The following RUSC1 variants were observed in gnomAD, a reference collection of about 807,000 sequenced individuals.
The protein encoded by RUSC1 is RUN and SH3 domain containing 1.
A neutral mutation model predicts 72.1 loss-of-function variants in RUSC1; 40 were observed. The observed-to-expected ratio is 0.55, with a 90% CI of 0.43 to 0.72. The LOEUF is 0.72. Ranked by LOEUF, RUSC1 falls within the 30% of genes least tolerant of loss-of-function variation. RUSC1 has a pLI of 0.00. For synonymous variants in RUSC1, 512 were observed against 494.2 expected (o/e 1.04, Z -0.48); for missense variants, 1,092 against 1,172.3 (o/e 0.93, Z 1.00).
chr1:155,324,687 C>A, intron 2 of RUSC1, 158 bp from the exon 3 acceptor site: 1 of 1,542,884 alleles, frequency 6.5e-7, no homozygotes, highest in Non-Finnish European at 8.7e-7. Flanking sequence ...GGGCTCGGGT[C>A]GAGCTACCCC....
chr1:155,324,761 C>G, intron 2 of RUSC1, 84 bp from the exon 3 acceptor site: 1 of 1,606,808 alleles, frequency 6.2e-7, no homozygotes, highest in South Asian at 1.1e-5. Flanking sequence ...ACTGCAGACC[C>G]GCCGGAGACA....
In RUSC1 at chr1:155,322,484, T is replaced by C; in HGVS notation, c.711T>C (p.Ile237=). The C allele has an allele frequency of 6.2e-7, 1 of 1,613,352 alleles. No homozygotes were observed. The highest frequency in any genetic ancestry group is 1.7e-5 in the Admixed American group (1 of 59,902). Residue 237 remains isoleucine (I), a synonymous_variant, in exon 2 of 10, where the codon ATT becomes ATC. Coordinates refer to ENST00000368352, the MANE Select transcript of RUSC1 (RefSeq NM_001105203.2). The part of the protein sequence containing the change: ...PSWKINPIWK[I]DTEKTKAEWK... ...GGAAGATTAACCCAATTTGGAAAAT[T>C]GACACAGAGAAAACTAAAGCTGAAT... is the stretch of plus-strand genomic sequence containing the variant.
In RUSC1 at chr1:155,325,944, T is replaced by A. The variant is rs762136717; in HGVS notation, c.1861+34T>A. The A allele has an allele frequency of 6.2e-7, 1 of 1,609,580 alleles. No homozygotes were observed. The highest frequency in any genetic ancestry group is 1.1e-5 in the South Asian group (1 of 90,996). The stretch of plus-strand genomic sequence containing the variant: ...TTCAGATGGTAGAGGATGGGGCTGA[T>A]GGGCTGGGAGGATGGGAAGGAAAGA... On this transcript the variant is annotated intron_variant, in intron 7 of 9. Transcript: ENST00000368352. This position sits in a 1 kb window ranked among gnomAD's most constrained non-coding sequence, Gnocchi z 6.5.
chr1:155,325,641 C>T lies in RUSC1; in HGVS notation c.1783C>T (p.Arg595Cys). The T allele has an allele frequency of 1.2e-6, 2 of 1,613,754 alleles. No homozygotes were observed. Among genetic ancestry groups the T allele is most frequent in the Non-Finnish European group, 1.7e-6 (2 of 1,180,010 alleles). ...AGCCCCGCTGAGCAGCAGCCGTAGC[C>T]GCTTCCATGCCTTTATCCTGGGCCT... is the stretch of plus-strand genomic sequence containing the variant. Reference protein sequence around the residue: ...RLAPLSSSRSRFHAFILGLLN... With the variant: ...RLAPLSSSRSCFHAFILGLLN... The change falls in exon 6 of 10, where the codon CGC becomes TGC. Residue 595 changes from arginine to cysteine, a missense_variant. Transcript: ENST00000368352. This position sits in a 1 kb window ranked among gnomAD's most constrained non-coding sequence, Gnocchi z 6.5.
In RUSC1 at chr1:155,322,658, T is replaced by C; in HGVS notation, c.885T>C (p.Ile295=). The C allele has an allele frequency of 6.2e-7, 1 of 1,614,024 alleles. No homozygotes were observed. Among genetic ancestry groups the C allele is most frequent in the South Asian group, 1.1e-5 (1 of 91,088 alleles). The change falls in exon 2 of 10, where the codon ATT becomes ATC. Residue 295 remains isoleucine (I), a synonymous_variant. Coordinates refer to ENST00000368352, the MANE Select transcript of RUSC1 (RefSeq NM_001105203.2). ...GCTCGAAAACAGATGCAGGGAAAAT[T>C]GATGGAGGATGGAGAAGTGACGTCA... ...DSGSKTDAGK[I]DGGWRSDVSE...
Position 155,330,761 on chromosome 1 carries a change from T to C in RUSC1, c.*190T>C, listed in dbSNP as rs1651937785. 1.9e-6 allele frequency: 1 copy of C among 522,786 alleles called. No individual in the cohort carries two copies. The highest frequency in any genetic ancestry group is 3.7e-5 in the Admixed American group (1 of 27,192). The allele number at this position is 522,786 out of a possible 1,614,324, so 32.4% of individuals were successfully genotyped here. On this transcript the variant is annotated 3_prime_UTR_variant, in exon 10 of 10. Transcript: ENST00000368352. ...ACCTGTAAGGTGAAATCTGCTCTTC[T>C]TCCAAATATATAAAAAAGGAATTGC...
In RUSC1 at chr1:155,322,985, G is replaced by T. The variant is rs768819825; in HGVS notation, c.1212G>T (p.Pro404=). 12 of 481,294 alleles carry T rather than the reference G, an allele frequency of 2.5e-5. No individual in the cohort carries two copies. The Admixed American group carries it at 4.9e-4, about 20-fold the overall frequency. 29.8% of individuals were successfully genotyped at this position (481,294 alleles called of 1,614,324 possible). The change falls in exon 2 of 10, where the codon CCG becomes CCT. Residue 404 remains proline, a synonymous_variant. Transcript: ENST00000368352. ...TGGTCCCGCCCCGGCCCCCACCCCC[G>T]CCTGTCCCTCCCCGAAGGAAGAAGA... is the stretch of plus-strand genomic sequence containing the variant. The part of the protein sequence containing the change: ...WALVPPRPPP[P]PVPPRRKKNR...
At chr1:155,323,928 T>A (rs978749893) in intron 2 of RUSC1, 7 of 990,282 alleles carry the variant, frequency 7.1e-6, no homozygotes, top group African/African-American at 5.2e-5. Flanking sequence ...GTCCCGCCCT[T>A]CAGTTTAAGC....
Position 155,325,007 on chromosome 1 carries a change from T to TC in RUSC1, c.1456+65dup. 6.2e-7 allele frequency: 1 copy of TC among 1,613,690 alleles called. No individual in the cohort carries two copies. The highest frequency in any genetic ancestry group is 8.5e-7 in the Non-Finnish European group (1 of 1,179,666). ...AACTGCCCTTCGCCCCCGGCCCTGC[T>TC]CTCAGGCTGTCCGAAGGCAGTCTCT... is the stretch of plus-strand genomic sequence containing the variant. On this transcript the variant is annotated intron_variant, in intron 3 of 9. Transcript: ENST00000368352. The surrounding 1 kb of genome is among the most constrained non-coding windows in gnomAD (Gnocchi z 6.5).
intron 2 of RUSC1, chr1:155,324,305 G>A: frequency 6.4e-7 from 1 of 1,567,782 alleles, no homozygotes; most frequent in Non-Finnish European, 8.6e-7. Context: ...CCTCCGCCAA[G>A]AGGCTGCTGC....
At chr1:155,324,786 C>T (rs781775939) in intron 2 of RUSC1, 59 bp from the exon 3 acceptor site, 3 of 1,611,864 alleles carry the variant, frequency 1.9e-6, no homozygotes, top group Non-Finnish European at 2.5e-6. Context: ...GTGCGGGAGC[C>T]CGGAGTCCTC....
At chr1:155,327,251 C>T (rs1286369397) in intron 8 of RUSC1, 119 bp downstream of exon 8, 3 of 1,002,352 alleles carry the variant, frequency 3.0e-6, no homozygotes, top group South Asian at 3.5e-5. Flanking sequence ...TGTTTTTCTA[C>T]AGCCATGAGC....
chr1:155,320,935 G>A lies in RUSC1; in HGVS notation c.-143G>A, dbSNP rs1484124439. ...CCTCCCGCTCTGTGCCCCGCCGGGC[G>A]GGGACCGTGGGAGCCGCGGACAAGC... On this transcript the variant is annotated 5_prime_UTR_variant, in exon 1 of 10. Transcript: ENST00000368352. 3 of 1,572,378 alleles carry A rather than the reference G, an allele frequency of 1.9e-6. No homozygotes were observed. Among genetic ancestry groups the A allele is most frequent in the African/African-American group, 1.4e-5 (1 of 73,400 alleles).
chr1:155,327,200 A>C, intron 8 of RUSC1, 68 bp downstream of exon 8: 1 of 1,451,542 alleles, frequency 6.9e-7, no homozygotes, highest in Non-Finnish European at 9.3e-7. Flanking sequence ...CTTCATTTGA[A>C]ACTCTCTAGT....
intron 9 of RUSC1, 98 bp from the exon 10 acceptor site, chr1:155,330,305 T>C: frequency 8.1e-7 from 1 of 1,229,442 alleles, no homozygotes; most frequent in South Asian, 1.3e-5. Context: ...CAATGTCCAC[T>C]GAGCCAAACC....
intron 9 of RUSC1, among the ~76,000 whole-genome samples, chr1:155,329,836 T>C (rs1391760204): frequency 2.0e-5 from 3 of 151,434 alleles, no homozygotes; most frequent in Non-Finnish European, 4.4e-5. Context: ...TGGGCACTTG[T>C]AGTCCCAGCT....
chr1:155,324,244 C>T (rs1553236981), intron 2 of RUSC1: 1 of 1,460,182 alleles, frequency 6.8e-7, no homozygotes, highest in East Asian at 2.5e-5. Context: ...ACTAGAGGTT[C>T]TGGCCACGCC....
chr1:155,328,868 A>G (rs868580032), intron 9 of RUSC1, among the ~76,000 whole-genome samples: 18 of 151,274 alleles, frequency 1.2e-4, no homozygotes, highest in South Asian at 2.1e-4. Context: ...AAAGTGCTGG[A>G]ATTATAGGCG....
chr1:155,325,190 TG>T lies in RUSC1; in HGVS notation c.1533+18del, dbSNP rs759604105. 4 of 1,613,900 alleles carry T rather than the reference TG, an allele frequency of 2.5e-6. No homozygotes were observed. The highest frequency in any genetic ancestry group is 3.4e-6 in the Non-Finnish European group (4 of 1,180,012). ...ACTTGGTGCAGAAGGTGAAGGTGGCTGGGGGGAGGCTGTTGGGATGAGGAGA... is the reference window on the plus strand; with the variant it reads ...ACTTGGTGCAGAAGGTGAAGGTGGCTGGGGGAGGCTGTTGGGATGAGGAGA... On this transcript the variant is annotated intron_variant, in intron 4 of 9. Transcript: ENST00000368352. The surrounding 1 kb of genome is among the most constrained non-coding windows in gnomAD (Gnocchi z 6.5).
Sources: allele counts gnomAD v4.1 joint callset (sites outside exome capture counted in the v4.1 genomes callset), GRCh38; gene constraint gnomAD v4.1.1; non-coding constraint Gnocchi (gnomAD v3.1); transcripts MANE v1.5; gene names NCBI Gene and HGNC (gene_info 2026-07-23, HGNC 2026-07-21).